TAOK1: variants seen among roughly 807,000 people sequenced by gnomAD.
The protein encoded by TAOK1 is serine/threonine-protein kinase TAO1.
Under a neutral mutation model 138.3 loss-of-function variants are expected in TAOK1, and 21 were observed. The observed-to-expected ratio is 0.15, with a 90% CI of 0.11 to 0.22. The LOEUF is 0.22. Ranked by LOEUF, TAOK1 falls within the 10% of genes least tolerant of loss-of-function variation. The probability of loss-of-function intolerance (pLI) is 1.00; values close to 1 mark genes in which losing one functional copy is unlikely to be tolerated. For synonymous variants in TAOK1, 361 were observed against 398.4 expected (o/e 0.91, Z 1.12); for missense variants, 651 against 1,227.7 (o/e 0.53, Z 7.02).
Position 29,447,955 on chromosome 17 carries a change from CTT to C in TAOK1, c.-94-3478_-94-3477del, listed in dbSNP as rs56163080. On this transcript the variant is annotated intron_variant, in intron 1 of 19. Transcript: ENST00000261716. The stretch of plus-strand genomic sequence containing the variant: ...ACAGGCGTGAGCCACTGCACCTGGT[CTT>C]TTTTTTTTTTTTTTTTTTTTTAATT... Among the ~76,000 whole-genome samples the C allele has an allele frequency of 6.5e-3, 606 of 93,248 alleles. 3 individuals carry two copies. The highest frequency in any genetic ancestry group is 0.015 in the African/African-American group (347 of 23,240). 61.2% of individuals were successfully genotyped at this position (93,248 alleles called of 152,430 possible).
chr17:29,410,109 G>A (rs915920786), intron 1 of TAOK1, among the ~76,000 whole-genome samples: 4 of 152,068 alleles, frequency 2.6e-5, no homozygotes, highest in Non-Finnish European at 4.4e-5. Context: ...AAAGTTTATC[G>A]TCATGGATGT....
At chr17:29,412,286 G>T (rs538831961) in intron 1 of TAOK1, among the ~76,000 whole-genome samples, 1 of 152,176 alleles carries the variant, frequency 6.6e-6, no homozygotes, top group South Asian at 2.1e-4. Context: ...CAAGTGATCC[G>T]CCTGCCTTGG....
chr17:29,403,627 A>G (rs1904912941), intron 1 of TAOK1: 1 of 152,110 alleles, frequency 6.6e-6, no homozygotes, highest in African/African-American at 2.4e-5. Context: ...ATGGTATTTC[A>G]GTTGGTTTTA....
At chr17:29,497,407 T>C (rs2031435276) in intron 11 of TAOK1, among the ~76,000 whole-genome samples, 1 of 152,160 alleles carries the variant, frequency 6.6e-6, no homozygotes, top group South Asian at 2.1e-4. Context: ...TTAATAAAAT[T>C]CTATGTAGTT....
At chr17:29,398,984 A>AT (rs529390776) in intron 1 of TAOK1, among the ~76,000 whole-genome samples, 3,025 of 138,418 alleles carry the variant, frequency 0.022, 75 homozygotes, top group African/African-American at 0.057. Context: ...CATTGAGATA[A>AT]TTTTTTTTTT....
chr17:29,457,722 A>G (rs2030425539), intron 2 of TAOK1, among the ~76,000 whole-genome samples: 1 of 152,046 alleles, frequency 6.6e-6, no homozygotes, highest in South Asian at 2.1e-4. Flanking sequence ...TACTGATTTA[A>G]GTGCCATCCA....
intron 5 of TAOK1, 71 bp from the exon 6 acceptor site, chr17:29,478,180 C>T: frequency 1.9e-6 from 2 of 1,074,806 alleles, no homozygotes; most frequent in Non-Finnish European, 1.3e-6. Context: ...TAAAAATTGC[C>T]CCATGTATTA....
intron 2 of TAOK1, 24 bp from the exon 3 acceptor site, chr17:29,467,121 C>A: frequency 6.5e-7 from 1 of 1,538,708 alleles, no homozygotes; most frequent in Non-Finnish European, 8.8e-7. Flanking sequence ...TTTTACAGTG[C>A]TTCTTTCTTT....
At chr17:29,502,446 C>A in intron 12 of TAOK1, 143 bp from the exon 13 acceptor site, 1 of 889,094 alleles carries the variant, frequency 1.1e-6, no homozygotes, top group Non-Finnish European at 1.7e-6. Flanking sequence ...AAAAAGAAGA[C>A]CAGCATTTCT....
intron 13 of TAOK1, among the ~76,000 whole-genome samples, 169 bp downstream of exon 13, chr17:29,502,892 A>C (rs2031556067): frequency 6.6e-6 from 1 of 152,250 alleles, no homozygotes; most frequent in African/African-American, 2.4e-5. Flanking sequence ...GAACTCTGAG[A>C]AATGTTAAAC....
At chr17:29,510,206 A>G (rs535972865) in intron 14 of TAOK1, among the ~76,000 whole-genome samples, 2 of 151,970 alleles carry the variant, frequency 1.3e-5, no homozygotes, top group African/African-American at 4.8e-5. Context: ...GCAAAACCCC[A>G]TCTCTTCTAA....
intron 19 of TAOK1, among the ~76,000 whole-genome samples, chr17:29,540,986 A>G (rs1283671649): frequency 1.3e-5 from 2 of 152,102 alleles, no homozygotes; most frequent in Non-Finnish European, 2.9e-5. Context: ...ATTACTAGGC[A>G]TGAGCCACCA....
At chr17:29,451,817 C>A in intron 2 of TAOK1, 137 bp downstream of exon 2, 1 of 875,726 alleles carries the variant, frequency 1.1e-6, no homozygotes, top group Non-Finnish European at 1.7e-6. Flanking sequence ...AGAGAGAGCG[C>A]GAGAGCGAGA....
chr17:29,473,523 C>T lies in TAOK1; in HGVS notation c.205-2147C>T, dbSNP rs138108658. The stretch of plus-strand genomic sequence containing the variant: ...TGGTGGCAGGAGGAATGCTTGAACC[C>T]AGGAGGCAGAAGTTGTAGTGAGCCA... On this transcript the variant is annotated intron_variant, in intron 3 of 19. Coordinates refer to ENST00000261716, the MANE Select transcript of TAOK1 (RefSeq NM_020791.4). Among the ~76,000 whole-genome samples, 1,300 of 150,438 alleles carry T rather than the reference C, an allele frequency of 8.6e-3. 23 individuals are homozygous for T. The highest frequency in any genetic ancestry group is 0.03 in the African/African-American group (1,236 of 40,880).
chr17:29,533,810 C>T (rs1016866527), intron 18 of TAOK1, among the ~76,000 whole-genome samples: 2 of 5,314 alleles, frequency 3.8e-4, no homozygotes, highest in African/African-American at 1.2e-3. Flanking sequence ...AGCTTCGGCT[C>T]GGCATCAGAG....
intron 3 of TAOK1, among the ~76,000 whole-genome samples, chr17:29,471,358 C>T (rs1358160352): frequency 7.4e-6 from 1 of 134,256 alleles, no homozygotes; most frequent in African/African-American, 2.8e-5. Context: ...TGGTTCACTG[C>T]GACCTTCGCC....
At chr17:29,542,038 C>T (rs1238120093) in intron 19 of TAOK1, among the ~76,000 whole-genome samples, 1 of 151,954 alleles carries the variant, frequency 6.6e-6, no homozygotes, top group East Asian at 2.0e-4. Context: ...CCACCATGCC[C>T]GGCTAATTTT....
At position 29,530,385 on chromosome 17, in the gene TAOK1, A is replaced by C. The variant is rs780802837; in HGVS notation, c.2149-22A>C. ...ATGCCTTTCGTTACAACTTACATAAATGTATTTTTTTTTCTTCCCAGTCTA... is the reference window on the plus strand; with the variant it reads ...ATGCCTTTCGTTACAACTTACATAACTGTATTTTTTTTTCTTCCCAGTCTA... On this transcript the variant is annotated intron_variant, in intron 17 of 19. Coordinates refer to ENST00000261716, the MANE Select transcript of TAOK1 (RefSeq NM_020791.4). The C allele has an allele frequency of 3.7e-6, 6 of 1,603,730 alleles. No homozygotes were observed. The Admixed American group carries it at 1.0e-4, about 27-fold the overall frequency.
chr17:29,503,234 A>G (rs946551722), intron 13 of TAOK1, among the ~76,000 whole-genome samples: 1 of 151,890 alleles, frequency 6.6e-6, no homozygotes, highest in African/African-American at 2.4e-5. Context: ...ATCTCTACTA[A>G]AAATACGAAA....
Sources: allele counts gnomAD v4.1 joint callset (sites outside exome capture counted in the v4.1 genomes callset), GRCh38; gene constraint gnomAD v4.1.1; transcripts MANE v1.5; gene names NCBI Gene and HGNC (gene_info 2026-07-23, HGNC 2026-07-21).